Variants in CNTNAP2 observed in about 807,000 individuals in gnomAD.
CNTNAP2 encodes contactin associated protein 2.
A neutral mutation model predicts 155.2 loss-of-function variants in CNTNAP2; 98 were observed. The ratio of observed to expected loss-of-function variants is 0.63; its 90% CI spans 0.54 to 0.75. The LOEUF (loss-of-function observed/expected upper bound fraction) is 0.75. CNTNAP2 is among the 30% of genes least tolerant of loss of function. The pLI, the probability that CNTNAP2 is intolerant of heterozygous loss-of-function variation, is 0.00. For missense variants in CNTNAP2, 1,727 were observed against 1,688.1 expected, an observed-to-expected ratio of 1.02 and a Z score of -0.40; for synonymous variants, 651 against 631.2, an observed-to-expected ratio of 1.03 and a Z score of -0.47.
At chr7:146,650,307 A>T (rs7456508) in intron 1 of CNTNAP2, among the ~76,000 whole-genome samples, 3 of 152,024 alleles carry the variant, frequency 2.0e-5, no homozygotes, top group African/African-American at 7.3e-5. Flanking sequence ...ATTCCTATCA[A>T]TGATAGACTG....
intron 1 of CNTNAP2, among the ~76,000 whole-genome samples, chr7:146,406,801 T>C (rs1563072570): frequency 6.6e-6 from 1 of 152,202 alleles, no homozygotes; most frequent in Non-Finnish European, 1.5e-5. Flanking sequence ...GGTTCAGGGC[T>C]ATCATCCTTA....
intron 13 of CNTNAP2, among the ~76,000 whole-genome samples, chr7:147,796,318 T>G (rs574361399): frequency 6.6e-6 from 1 of 152,322 alleles, no homozygotes; most frequent in East Asian, 1.9e-4. Flanking sequence ...TTGGCCTCAT[T>G]TTAAAATGAA....
intron 14 of CNTNAP2, among the ~76,000 whole-genome samples, chr7:147,923,424 A>G (rs1800320529): frequency 6.6e-6 from 1 of 152,184 alleles, no homozygotes. Context: ...TCTACCTTCC[A>G]AAGCATGCCC....
chr7:146,923,991 C>T (rs1295135998), intron 3 of CNTNAP2, among the ~76,000 whole-genome samples: 1 of 152,076 alleles, frequency 6.6e-6, no homozygotes, highest in Non-Finnish European at 1.5e-5. Flanking sequence ...TTAAGAACTG[C>T]TTTCATAGCT....
intron 1 of CNTNAP2, among the ~76,000 whole-genome samples, chr7:146,182,886 A>C (rs1447724219): frequency 6.6e-6 from 1 of 151,872 alleles, no homozygotes; most frequent in Admixed American, 6.6e-5. Flanking sequence ...CTGTACTCCA[A>C]TTTTCTATCT....
chr7:147,895,471 T>G (rs1207818490), intron 13 of CNTNAP2, among the ~76,000 whole-genome samples: 1 of 152,242 alleles, frequency 6.6e-6, no homozygotes, highest in Non-Finnish European at 1.5e-5. Context: ...ATGCCTTACT[T>G]TGATAATTTA....
chr7:148,317,825 T>C (rs2116530355), intron 21 of CNTNAP2, among the ~76,000 whole-genome samples: 1 of 152,238 alleles, frequency 6.6e-6, no homozygotes, highest in South Asian at 2.1e-4. Context: ...CTCAGCCTCC[T>C]GAGTAGCTGG....
chr7:146,907,913 A>G (rs928077611), intron 3 of CNTNAP2, among the ~76,000 whole-genome samples: 4 of 152,174 alleles, frequency 2.6e-5, no homozygotes, highest in African/African-American at 4.8e-5. Context: ...CCCATCTCAC[A>G]TGCAGAGACA....
intron 1 of CNTNAP2, among the ~76,000 whole-genome samples, chr7:146,302,599 G>A (rs1013879802): frequency 1.3e-5 from 2 of 152,188 alleles, no homozygotes; most frequent in African/African-American, 4.8e-5. Flanking sequence ...TATCTAAAAC[G>A]TGTTGGAGTT....
chr7:147,387,115 A>G (rs1689247693), intron 9 of CNTNAP2, among the ~76,000 whole-genome samples: 1 of 151,996 alleles, frequency 6.6e-6, no homozygotes, highest in Non-Finnish European at 1.5e-5. Context: ...ATTACCTCCC[A>G]CTCGGTTTGT....
chr7:147,364,239 G>T lies in CNTNAP2; in HGVS notation c.1499-31370G>T, dbSNP rs538408696. On this transcript the variant is annotated intron_variant, in intron 9 of 23. Coordinates refer to ENST00000361727, the MANE Select transcript of CNTNAP2 (RefSeq NM_014141.6). ...AAAGATCCAAAATACTTGGTAATAA[G>T]TATTCATTGGAAATGAGTGTCACTG... Among the ~76,000 whole-genome samples, 12 of 152,270 alleles carry T rather than the reference G, an allele frequency of 7.9e-5. No individual in the cohort carries two copies. The South Asian group carries it at 2.3e-3, about 29-fold the overall frequency.
intron 3 of CNTNAP2, among the ~76,000 whole-genome samples, chr7:146,955,143 G>T (rs1022956117): frequency 6.6e-6 from 1 of 151,868 alleles, no homozygotes; most frequent in Non-Finnish European, 1.5e-5. Flanking sequence ...TTATAATATA[G>T]ATTTAATCAT....
intron 12 of CNTNAP2, among the ~76,000 whole-genome samples, chr7:147,593,037 C>T (rs1800768645): frequency 1.3e-5 from 2 of 152,126 alleles, no homozygotes; most frequent in Non-Finnish European, 2.9e-5. Context: ...TTACATCACA[C>T]CGAATATCAT....
At chr7:147,484,082 T>C (rs1172838018) in intron 10 of CNTNAP2, among the ~76,000 whole-genome samples, 1 of 152,224 alleles carries the variant, frequency 6.6e-6, no homozygotes, top group Non-Finnish European at 1.5e-5. Flanking sequence ...ATTTCGTGTA[T>C]CTTTTATGAC....
intron 21 of CNTNAP2, among the ~76,000 whole-genome samples, chr7:148,350,310 G>A (rs1439099912): frequency 6.6e-6 from 1 of 152,170 alleles, no homozygotes. Context: ...ATACAGGGCA[G>A]GCAAGGACTC....
intron 22 of CNTNAP2, among the ~76,000 whole-genome samples, chr7:148,394,392 T>C (rs1318176441): frequency 6.6e-6 from 1 of 152,202 alleles, no homozygotes; most frequent in Non-Finnish European, 1.5e-5. Flanking sequence ...CAAACTGCAG[T>C]ACTTATCATT....
intron 3 of CNTNAP2, among the ~76,000 whole-genome samples, chr7:146,972,649 A>C (rs940699977): frequency 6.6e-6 from 1 of 152,198 alleles, no homozygotes; most frequent in East Asian, 1.9e-4. Context: ...TTTATTCCAC[A>C]GAGCTCTTTC....
intron 1 of CNTNAP2, among the ~76,000 whole-genome samples, chr7:146,359,717 T>G (rs1795054564): frequency 6.6e-6 from 1 of 152,176 alleles, no homozygotes; most frequent in African/African-American, 2.4e-5. Flanking sequence ...TAATAGCATA[T>G]TTTATGAGCT....
intron 1 of CNTNAP2, among the ~76,000 whole-genome samples, chr7:146,623,120 T>G (rs1298800032): frequency 6.6e-6 from 1 of 152,166 alleles, no homozygotes; most frequent in East Asian, 1.9e-4. Context: ...ACAGGATTTA[T>G]GTGCAATGAC....
Sources: gnomAD v4.1 joint callset for allele counts (sites outside exome capture counted in the v4.1 genomes callset) on GRCh38, gnomAD v4.1.1 for gene constraint, MANE v1.5 for transcripts, NCBI Gene and HGNC (gene_info 2026-07-23, HGNC 2026-07-21) for gene names.